Variants in ZMYM1 observed in about 807,000 individuals in gnomAD.
The protein encoded by ZMYM1 is zinc finger MYM-type containing 1, also known as zinc finger MYM-type protein 1.
A neutral mutation model predicts 60.0 loss-of-function variants in ZMYM1; 39 were observed. The observed-to-expected ratio is 0.65, with a 90% CI of 0.50 to 0.85. ZMYM1 has a LOEUF of 0.85. Ranked by LOEUF, ZMYM1 falls within the 40% of genes least tolerant of loss-of-function variation. The pLI, the probability that ZMYM1 is intolerant of heterozygous loss-of-function variation, is 0.00. For missense variants in ZMYM1, 1,171 were observed against 1,309.5 expected (o/e 0.89, Z 1.63); for synonymous variants, 413 against 454.0 (o/e 0.91, Z 1.15).
intron 1 of ZMYM1, among the ~76,000 whole-genome samples, chr1:35,067,984 C>T (rs958955689): frequency 1.3e-5 from 2 of 152,140 alleles, no homozygotes; most frequent in East Asian, 2.0e-4. Context: ...GACAGGGTCT[C>T]GCTATTTTGC....
intron 6 of ZMYM1, among the ~76,000 whole-genome samples, chr1:35,106,141 G>A (rs977650399): frequency 6.6e-5 from 10 of 152,154 alleles, no homozygotes; most frequent in South Asian, 4.2e-4. Context: ...GTCATAGGAG[G>A]AAATAATCCA....
At chr1:35,079,506 G>T (rs1642250540) in intron 1 of ZMYM1, 64 bp downstream of exon 1, 1 of 152,294 alleles carries the variant, frequency 6.6e-6, no homozygotes, top group African/African-American at 2.4e-5. Flanking sequence ...AAAGGGGCAG[G>T]GTTTCTGCTG....
chr1:35,113,080 T>C lies in ZMYM1; in HGVS notation c.1250T>C (p.Ile417Thr), dbSNP rs1644150334. Residue 417 changes from isoleucine to threonine, a missense_variant, in exon 10 of 10, where the codon ATT (isoleucine) becomes ACT (threonine). Ile to Thr is a moderately conservative substitution (Grantham distance 89). Coordinates refer to ENST00000359858, the MANE Select transcript of ZMYM1 (RefSeq NM_024772.5). ...PSSSVFSQHAIGSSTEVQKDN... is the reference protein window; with the variant it reads ...PSSSVFSQHATGSSTEVQKDN... Reference sequence around the variant, plus strand: ...TCATCAGTATTCAGTCAGCATGCAATTGGTTCCAGTACAGAAGTACAAAAA... The same window carrying C: ...TCATCAGTATTCAGTCAGCATGCAACTGGTTCCAGTACAGAAGTACAAAAA... 2.5e-6 allele frequency: 4 copies of C among 1,613,968 alleles called. No homozygotes were observed. The highest frequency in any genetic ancestry group is 2.7e-5 in the African/African-American group (2 of 74,930).
At chr1:35,060,809 C>T (rs1027247396) in intron 1 of ZMYM1, among the ~76,000 whole-genome samples, 1 of 152,182 alleles carries the variant, frequency 6.6e-6, no homozygotes, top group Non-Finnish European at 1.5e-5. Flanking sequence ...TTTGTGGGAC[C>T]TCCTAGGGCC....
At chr1:35,098,905 CA>C (rs1339289476) in intron 4 of ZMYM1, among the ~76,000 whole-genome samples, 4 of 152,044 alleles carry the variant, frequency 2.6e-5, no homozygotes, top group Admixed American at 2.6e-4. Flanking sequence ...AAAAGAAATG[CA>C]CTTTCTCAGG....
intron 1 of ZMYM1, among the ~76,000 whole-genome samples, 199 bp from the exon 2 acceptor site, chr1:35,093,715 A>T (rs1248693415): frequency 2.0e-5 from 3 of 152,228 alleles, no homozygotes; most frequent in Non-Finnish European, 4.4e-5. Context: ...AAGAAGGCAC[A>T]GAGTTGGTAG....
chr1:35,089,873 G>C (rs1642895197), intron 1 of ZMYM1, among the ~76,000 whole-genome samples: 1 of 141,096 alleles, frequency 7.1e-6, no homozygotes, highest in South Asian at 2.4e-4. Context: ...AGCCTCCCGA[G>C]TAGCTGGGAC....
chr1:35,117,077 C>T (rs1216091605), downstream of ZMYM1, among the ~76,000 whole-genome samples: 3 of 149,814 alleles, frequency 2.0e-5, no homozygotes, highest in South Asian at 4.2e-4. Context: ...GTGATCCGCC[C>T]GCCTCGGCCT....
chr1:35,088,805 C>CTTTTTTTTTTTTTT (rs375136566), intron 1 of ZMYM1, among the ~76,000 whole-genome samples: 5 of 119,614 alleles, frequency 4.2e-5, no homozygotes, highest in Non-Finnish European at 4.9e-5. Context: ...GGATGCTTTC[C>CTTTTTTTTTTTTTT]TTTTTTTTTT....
At chr1:35,087,705 G>A (rs1557649488) in intron 1 of ZMYM1, among the ~76,000 whole-genome samples, 2 of 152,124 alleles carry the variant, frequency 1.3e-5, no homozygotes, top group Admixed American at 6.5e-5. Context: ...TGGGATTACA[G>A]GCGTGAGCCA....
Position 35,107,327 on chromosome 1 carries a change from G to A in ZMYM1, c.807+2558G>A, listed in dbSNP as rs547442054. ...TACAAAAAAAAAAAAAAATTAGCGG[G>A]GTGTGGTGGCGGGCGCCTGTAGTCC... On this transcript the variant is annotated intron_variant, in intron 6 of 9. Transcript: ENST00000359858. 4.6e-4 allele frequency among the ~76,000 whole-genome samples: 69 copies of A among 151,566 alleles called. 1 individual carries two copies. Among genetic ancestry groups the A allele is most frequent in the African/African-American group, 1.5e-3 (61 of 41,456 alleles).
At chr1:35,060,387 C>T (rs1040169246) in intron 1 of ZMYM1, among the ~76,000 whole-genome samples, 3 of 151,480 alleles carry the variant, frequency 2.0e-5, no homozygotes, top group Admixed American at 1.3e-4. Flanking sequence ...CTCGAACTCC[C>T]GACCTCTGGT....
At position 35,114,716 on chromosome 1, in the gene ZMYM1, A is replaced by G. The variant is rs759865982; in HGVS notation, c.2886A>G (p.Gln962=). The G allele has an allele frequency of 1.3e-6, 2 of 1,574,350 alleles. No individual in the cohort carries two copies. Among genetic ancestry groups the G allele is most frequent in the South Asian group, 1.2e-5 (1 of 84,462 alleles). ...NMFFPTSTEE[Q]YKINIYYQGL... ...TTTTTCCTACTTCAACAGAAGAACAATATAAAATTAATATCTATTACCAAG... is the reference window on the plus strand; with the variant it reads ...TTTTTCCTACTTCAACAGAAGAACAGTATAAAATTAATATCTATTACCAAG... Residue 962 remains glutamine (Q), a synonymous_variant, in exon 10 of 10, where the codon CAA becomes CAG. Transcript: ENST00000359858.
At chr1:35,064,748 G>A (rs899511653) in intron 1 of ZMYM1, among the ~76,000 whole-genome samples, 4 of 142,716 alleles carry the variant, frequency 2.8e-5, no homozygotes, top group Non-Finnish European at 3.0e-5. Context: ...GTGCAGTGGC[G>A]TGATCTCGGC....
At chr1:35,090,887 A>G (rs1485203756) in intron 1 of ZMYM1, among the ~76,000 whole-genome samples, 1 of 152,104 alleles carries the variant, frequency 6.6e-6, no homozygotes, top group Non-Finnish European at 1.5e-5. Flanking sequence ...CTGTGGTTGC[A>G]GTGAGCTGAG....
intron 1 of ZMYM1, among the ~76,000 whole-genome samples, chr1:35,088,496 G>T (rs1486806508): frequency 7.0e-6 from 1 of 142,984 alleles, no homozygotes; most frequent in African/African-American, 2.6e-5. Context: ...GTGTGTGTGT[G>T]TGTGTATGTA....
At chr1:35,092,669 C>T (rs1211465957) in intron 1 of ZMYM1, among the ~76,000 whole-genome samples, 1 of 151,564 alleles carries the variant, frequency 6.6e-6, no homozygotes, top group Non-Finnish European at 1.5e-5. Context: ...GCTCTGTCAC[C>T]CAGGCTGGAG....
At chr1:35,108,510 C>T (rs984847930) in intron 6 of ZMYM1, among the ~76,000 whole-genome samples, 5 of 151,962 alleles carry the variant, frequency 3.3e-5, no homozygotes, top group Non-Finnish European at 7.4e-5. Flanking sequence ...CACACCACCA[C>T]ACCCAGCTAA....
chr1:35,091,326 C>A (rs1345642134), intron 1 of ZMYM1, among the ~76,000 whole-genome samples: 1 of 152,066 alleles, frequency 6.6e-6, no homozygotes, highest in African/African-American at 2.4e-5. Context: ...CATTCTCCTG[C>A]CTCAGCCTCC....
Sources: gnomAD v4.1 joint callset for allele counts (sites outside exome capture counted in the v4.1 genomes callset) on GRCh38, gnomAD v4.1.1 for gene constraint, MANE v1.5 for transcripts, NCBI Gene and HGNC (gene_info 2026-07-23, HGNC 2026-07-21) for gene names.